The following CAMSAP1 variants were observed in gnomAD, a reference collection of about 807,000 sequenced individuals.
CAMSAP1 encodes the protein calmodulin regulated spectrin associated protein 1, also known as calmodulin-regulated spectrin-associated protein 1.
CAMSAP1 carries 58 observed loss-of-function variants against 143.5 expected under a neutral mutation model. The observed-to-expected ratio is 0.40, with a 90% CI of 0.33 to 0.50. The LOEUF (loss-of-function observed/expected upper bound fraction) is 0.50. Among genes scored for constraint, CAMSAP1 ranks in the 20% least tolerant of loss-of-function variants. The pLI is 0.45. For synonymous variants in CAMSAP1, 945 were observed against 859.3 expected, an observed-to-expected ratio of 1.10 and a Z score of -1.74; for missense variants, 1,969 against 2,115.7, an observed-to-expected ratio of 0.93 and a Z score of 1.36.
chr9:135,876,293 G>A (rs1837745162), intron 3 of CAMSAP1, among the ~76,000 whole-genome samples: 1 of 152,178 alleles, frequency 6.6e-6, no homozygotes, highest in Non-Finnish European at 1.5e-5. Flanking sequence ...AAAACAAAAA[G>A]GTGGCCGGCC....
At chr9:135,858,118 G>A (rs530119390) in intron 5 of CAMSAP1, among the ~76,000 whole-genome samples, 15 of 149,728 alleles carry the variant, frequency 1.0e-4, no homozygotes, top group South Asian at 2.1e-4. Flanking sequence ...GCCTCTTTGC[G>A]TCCCCAGCTT....
In CAMSAP1 at chr9:135,882,715, GC is replaced by G. The variant is rs1838000064; in HGVS notation, c.423+100del. 1.6e-5 allele frequency: 22 copies of G among 1,379,850 alleles called. No homozygotes were observed. Among genetic ancestry groups the G allele is most frequent in the Admixed American group, 2.4e-5 (1 of 41,858 alleles). 85.5% of individuals were successfully genotyped at this position (1,379,850 alleles called of 1,614,324 possible). A position where few individuals can be genotyped will look rare whatever the true frequency, so the allele number is the denominator to read the frequency against. The stretch of plus-strand genomic sequence containing the variant: ...CAAAAGCACGGGTCTCCACCACCTC[GC>G]CGCACACCGTGTTCACACCATCCAT... On this transcript the variant is annotated intron_variant, in intron 2 of 16. Coordinates refer to ENST00000389532, the MANE Select transcript of CAMSAP1 (RefSeq NM_015447.4). The surrounding 1 kb of genome is among the most constrained non-coding windows in gnomAD (Gnocchi z 4.9).
At chr9:135,879,779 T>C (rs1158322229) in intron 3 of CAMSAP1, among the ~76,000 whole-genome samples, 4 of 151,666 alleles carry the variant, frequency 2.6e-5, no homozygotes, top group African/African-American at 4.8e-5. Flanking sequence ...ACTGCACAGA[T>C]GGAGAGGAGA....
Position 135,827,478 on chromosome 9 carries a change from C to T in CAMSAP1, c.1152G>A (p.Leu384=), listed in dbSNP as rs1291619869. The T allele has an allele frequency of 6.2e-7, 1 of 1,611,096 alleles. No homozygotes were observed. Among genetic ancestry groups the T allele is most frequent in the Non-Finnish European group, 8.5e-7 (1 of 1,177,656 alleles). Reference sequence around the variant, plus strand: ...CCGCCGGCAGCTGCACGGGGGGCTGCAGCTCAGCCAGGGTCCCTGCAGCAG... The same window carrying T: ...CCGCCGGCAGCTGCACGGGGGGCTGTAGCTCAGCCAGGGTCCCTGCAGCAG... ...GSPAAGTLAE[L]QPPVQLPAEG... The change falls in exon 8 of 17, where the codon CTG becomes CTA. Residue 384 remains leucine (L), a synonymous_variant. Transcript: ENST00000389532.
intron 4 of CAMSAP1, chr9:135,865,233 C>A (rs527676939): frequency 5.9e-4 from 716 of 1,216,524 alleles, no homozygotes; most frequent in Non-Finnish European, 7.7e-4. Context: ...ACAACAACAA[C>A]AAAAAAACAG....
chr9:135,821,514 C>T lies in CAMSAP1; in HGVS notation c.3147G>A (p.Leu1049=), dbSNP rs200703453. ...LKISQQQEQL[L]MKSPTVPVPG... ...GCACTGGGACTGTGGGGGACTTCAT[C>T]AGAAGCTGCTCTTGCTGCTGAGAGA... Residue 1049 remains leucine (L), a synonymous_variant, in exon 11 of 17, where the codon CTG becomes CTA. Transcript: ENST00000389532. The surrounding 1 kb of genome is among the most constrained non-coding windows in gnomAD (Gnocchi z 4.6). The T allele has an allele frequency of 1.4e-5, 22 of 1,614,056 alleles. No homozygotes were observed. The African/African-American group carries it at 2.5e-4, about 19-fold the overall frequency.
chr9:135,890,832 A>ATT (rs1838268687), intron 1 of CAMSAP1, among the ~76,000 whole-genome samples: 1 of 152,226 alleles, frequency 6.6e-6, no homozygotes, highest in African/African-American at 2.4e-5. Context: ...CATGAGCAAA[A>ATT]GCCAGCAGAA....
intron 7 of CAMSAP1, 59 bp downstream of exon 7, chr9:135,850,078 T>G: frequency 7.2e-7 from 1 of 1,385,464 alleles, no homozygotes; most frequent in East Asian, 2.4e-5. Flanking sequence ...GAGAGTGCTT[T>G]CTGATACTCT....
At position 135,882,077 on chromosome 9, in the gene CAMSAP1, T is replaced by C. The variant is rs894176084; in HGVS notation, c.424-283A>G. ...GTGCACTGTCTCACACTGTCCTTTC[T>C]TATCTCCTCAACAGCCCTGTGGGAC... On this transcript the variant is annotated intron_variant, in intron 2 of 16. Transcript: ENST00000389532. This position sits in a 1 kb window ranked among gnomAD's most constrained non-coding sequence, Gnocchi z 4.9. 6.6e-6 allele frequency among the ~76,000 whole-genome samples: 1 copy of C among 152,126 alleles called. No individual in the cohort carries two copies. Among genetic ancestry groups the C allele is most frequent in the African/African-American group, 2.4e-5 (1 of 41,418 alleles).
At chr9:135,857,724 AGAG>A (rs1467103005) in intron 5 of CAMSAP1, among the ~76,000 whole-genome samples, 1 of 152,238 alleles carries the variant, frequency 6.6e-6, no homozygotes, top group Non-Finnish European at 1.5e-5. Context: ...CGATTTCTGC[AGAG>A]AAGAATCCTT....
chr9:135,886,262 G>T (rs535824925), intron 1 of CAMSAP1, among the ~76,000 whole-genome samples: 1 of 152,146 alleles, frequency 6.6e-6, no homozygotes, highest in East Asian at 1.9e-4. Context: ...GCTGAGCCTC[G>T]TAAGACAACT....
At chr9:135,898,675 C>T (rs887449268) in intron 1 of CAMSAP1, among the ~76,000 whole-genome samples, 4 of 152,132 alleles carry the variant, frequency 2.6e-5, no homozygotes, top group African/African-American at 9.7e-5. Context: ...TGAGATACAA[C>T]CCACCTACTT....
rs989612104 is a variant in CAMSAP1, at chr9:135,824,221, T to A, written c.1316-187A>T. Among the ~76,000 whole-genome samples, 2 of 152,212 alleles carry A rather than the reference T, an allele frequency of 1.3e-5. No individual in the cohort carries two copies. The highest frequency in any genetic ancestry group is 2.9e-5 in the Non-Finnish European group (2 of 68,046). Reference sequence around the variant, plus strand: ...GATGGTAACACACAGTTCAGAACTGTGAGAGAGCTTCAGCATGTGTGAGCC... The same window carrying A: ...GATGGTAACACACAGTTCAGAACTGAGAGAGAGCTTCAGCATGTGTGAGCC... On this transcript the variant is annotated intron_variant, in intron 9 of 16. Transcript: ENST00000389532. This position sits in a 1 kb window ranked among gnomAD's most constrained non-coding sequence, Gnocchi z 4.1.
intron 1 of CAMSAP1, among the ~76,000 whole-genome samples, chr9:135,901,506 C>G (rs1413461563): frequency 6.6e-6 from 1 of 151,984 alleles, no homozygotes; most frequent in East Asian, 1.9e-4. Flanking sequence ...CCTAGCAACT[C>G]GGGAGGCTGA....
rs1035126047 is a variant in CAMSAP1 at position 135,810,288 on chromosome 9, C to T, written c.*1021G>A. The stretch of plus-strand genomic sequence containing the variant: ...GTATCCATCTACAGGGGAAACGGCA[C>T]GCTCCTCTGAGAGCATGCAGCGCTT... On this transcript the variant is annotated 3_prime_UTR_variant, in exon 17 of 17. Coordinates refer to ENST00000389532, the MANE Select transcript of CAMSAP1 (RefSeq NM_015447.4). 7 of 152,196 alleles carry T rather than the reference C, an allele frequency of 4.6e-5. No individual in the cohort carries two copies. The highest frequency in any genetic ancestry group is 1.0e-4 in the Non-Finnish European group (7 of 68,040). The allele number at this position is 152,196 out of a possible 1,614,324, so 9.4% of individuals were successfully genotyped here. A position where few individuals can be genotyped will look rare whatever the true frequency, so the allele number is the denominator to read the frequency against.
intron 1 of CAMSAP1, among the ~76,000 whole-genome samples, chr9:135,895,500 T>C (rs1329985216): frequency 6.6e-6 from 1 of 151,886 alleles, no homozygotes; most frequent in South Asian, 2.1e-4. Context: ...CTTAAAAAAA[T>C]GAAGAGGAAA....
Position 135,890,762 on chromosome 9 carries a change from C to T in CAMSAP1, c.161-7684G>A, listed in dbSNP as rs550107057. On this transcript the variant is annotated intron_variant, in intron 1 of 16. Coordinates refer to ENST00000389532, the MANE Select transcript of CAMSAP1 (RefSeq NM_015447.4). ...CCTGGGAAAAGATTATATCTTAGGCCTCAGACTGTTTCCAAAATCTTTCAC... is the reference window on the plus strand; with the variant it reads ...CCTGGGAAAAGATTATATCTTAGGCTTCAGACTGTTTCCAAAATCTTTCAC... 7.6e-4 allele frequency among the ~76,000 whole-genome samples: 116 copies of T among 152,334 alleles called. 1 individual carries two copies. The highest frequency in any genetic ancestry group is 2.6e-3 in the African/African-American group (107 of 41,568).
In CAMSAP1 at chr9:135,894,339, T is replaced by C. The variant is rs191432314; in HGVS notation, c.161-11261A>G. On this transcript the variant is annotated intron_variant, in intron 1 of 16. Coordinates refer to ENST00000389532, the MANE Select transcript of CAMSAP1 (RefSeq NM_015447.4). The stretch of plus-strand genomic sequence containing the variant: ...CTGGTCACGGGACTCCTCTCCCCAC[T>C]GAGGGAAGCCATCCGAGGGGAGGGG... Among the ~76,000 whole-genome samples the C allele has an allele frequency of 2.6e-5, 4 of 152,216 alleles. No homozygotes were observed. In the East Asian group the frequency reaches 7.7e-4, roughly 29 times the overall value.
intron 7 of CAMSAP1, among the ~76,000 whole-genome samples, chr9:135,849,201 G>A (rs919354125): frequency 2.0e-5 from 3 of 152,202 alleles, no homozygotes; most frequent in African/African-American, 7.2e-5. Context: ...ACTTACACTA[G>A]CCTACAGCCG....
Sources: gnomAD v4.1 joint callset for allele counts (sites outside exome capture counted in the v4.1 genomes callset) on GRCh38, gnomAD v4.1.1 for gene constraint, Gnocchi (gnomAD v3.1) non-coding constraint, MANE v1.5 for transcripts, NCBI Gene and HGNC (gene_info 2026-07-23, HGNC 2026-07-21) for gene names.